VCPIP1: variants seen among roughly 807,000 people sequenced by gnomAD.
The protein encoded by VCPIP1 is deubiquitinating protein VCPIP1.
Under a neutral mutation model 85.0 loss-of-function variants are expected in VCPIP1, and 8 were observed. That is an observed-to-expected ratio of 0.09 (90% CI 0.06 to 0.17). The LOEUF (loss-of-function observed/expected upper bound fraction) is 0.17. Ranked by LOEUF, VCPIP1 falls within the 10% of genes least tolerant of loss-of-function variation. The pLI, the probability that VCPIP1 is intolerant of heterozygous loss-of-function variation, is 1.00. For synonymous variants in VCPIP1, 543 were observed against 544.5 expected, an observed-to-expected ratio of 1.00 and a Z score of 0.04; for missense variants, 1,070 against 1,486.3, an observed-to-expected ratio of 0.72 and a Z score of 4.61.
intron 1 of VCPIP1, among the ~76,000 whole-genome samples, chr8:66,659,512 AAAGACT>A (rs1421254567): frequency 6.6e-6 from 1 of 152,196 alleles, no homozygotes; most frequent in Non-Finnish European, 1.5e-5. Flanking sequence ...GTACTAAGCC[AAAGACT>A]AATACACCTA....
rs1164186626 is a variant in VCPIP1, at chr8:66,635,213, A to G, written c.2957T>C (p.Val986Ala). 6.2e-7 allele frequency: 1 copy of G among 1,614,164 alleles called. No individual in the cohort carries two copies. Among genetic ancestry groups the G allele is most frequent in the Non-Finnish European group, 8.5e-7 (1 of 1,180,034 alleles). ...ACTTCTTGTAGTAGCCTCTGCTCGA[A>G]CCTGACTTACAGCCTCTTTAACTAA... ...EDLVKEAVSQVRAEATTRSRE... is the reference protein window; with the variant it reads ...EDLVKEAVSQARAEATTRSRE... Residue 986 changes from valine (V) to alanine (A), a missense_variant, in exon 3 of 3, where the codon GTT becomes GCT. By Grantham distance (64) the Val-to-Ala change is moderately conservative. This residue lies in a region of VCPIP1 where 255 missense variants were observed against 289.5 expected (regional missense o/e 0.88). Coordinates refer to ENST00000310421, the MANE Select transcript of VCPIP1 (RefSeq NM_025054.5).
At chr8:66,647,207 G>T (rs971840892) in intron 2 of VCPIP1, among the ~76,000 whole-genome samples, 1 of 151,794 alleles carries the variant, frequency 6.6e-6, no homozygotes, top group Non-Finnish European at 1.5e-5. Flanking sequence ...CAGGCGCGGT[G>T]GCAGGCGCCT....
rs1811189667 is a variant in VCPIP1, at chr8:66,664,691, G to A, written c.2268C>T (p.Ser756=). 4 of 1,613,746 alleles carry A rather than the reference G, an allele frequency of 2.5e-6. No individual in the cohort carries two copies. In the South Asian group the frequency reaches 4.4e-5, roughly 18 times the overall value. Residue 756 remains serine (S), a synonymous_variant, in exon 1 of 3, where the codon TCC becomes TCT. Coordinates refer to ENST00000310421, the MANE Select transcript of VCPIP1 (RefSeq NM_025054.5). The part of the protein sequence containing the change: ...VSPSTIRDGP[S]SAPATPTKAP... ...CCTTGGTAGGTGTAGCAGGTGCAGA[G>A]GATGGACCATCACGAATGGTACTGG...
At chr8:66,649,088 A>G (rs1811027031) in intron 2 of VCPIP1, among the ~76,000 whole-genome samples, 1 of 152,004 alleles carries the variant, frequency 6.6e-6, no homozygotes, top group South Asian at 2.1e-4. Context: ...ACTTGAGCCC[A>G]GAGGATTGAC....
At position 66,667,070 on chromosome 8, in the gene VCPIP1, C is replaced by G; in HGVS notation, c.-112G>C. 7.1e-7 allele frequency: 1 copy of G among 1,404,660 alleles called. No homozygotes were observed. Among genetic ancestry groups the G allele is most frequent in the Non-Finnish European group, 9.2e-7 (1 of 1,082,914 alleles). The allele number at this position is 1,404,660 out of a possible 1,614,324, so 87.0% of individuals were successfully genotyped here. ...GTCCAGGCCCAGGGCGAAGCACTTTCCTTTCCCTACCAGCTCTTCCTCCTC... is the reference window on the plus strand; with the variant it reads ...GTCCAGGCCCAGGGCGAAGCACTTTGCTTTCCCTACCAGCTCTTCCTCCTC... On this transcript the variant is annotated 5_prime_UTR_variant, in exon 1 of 3. Coordinates refer to ENST00000310421, the MANE Select transcript of VCPIP1 (RefSeq NM_025054.5).
chr8:66,659,830 G>T (rs1254007073), intron 1 of VCPIP1, among the ~76,000 whole-genome samples: 1 of 151,910 alleles, frequency 6.6e-6, no homozygotes, highest in Non-Finnish European at 1.5e-5. Context: ...TACTTGAGAG[G>T]TTGAGAATCA....
chr8:66,663,123 A>G (rs994485331), intron 1 of VCPIP1, among the ~76,000 whole-genome samples: 1 of 151,728 alleles, frequency 6.6e-6, no homozygotes, highest in Non-Finnish European at 1.5e-5. Context: ...AGAAAAAAAA[A>G]AAAGAAATAT....
Position 66,630,778 on chromosome 8 carries a change from A to G in VCPIP1, c.*3723T>C, listed in dbSNP as rs1563564464. On this transcript the variant is annotated 3_prime_UTR_variant, in exon 3 of 3. Transcript: ENST00000310421. ...TCCCACGATTTAAGTATCATTAAAT[A>G]TGAACTGAAACACTTAGCATCTCAA... 1 of 152,614 alleles carries G rather than the reference A, an allele frequency of 6.6e-6. No individual in the cohort carries two copies. The allele number at this position is 152,614 out of a possible 1,614,324, so 9.5% of individuals were successfully genotyped here.
chr8:66,664,952 A>G lies in VCPIP1; in HGVS notation c.2007T>C (p.Asp669=), dbSNP rs1357940144. ...CTCCAACTCTTTGGGCGTGAGCACC[A>G]TCTATATTTACAGGAGTATAATCAT... ...NPDDYTPVNI[D]GAHAQRVGDV... is the part of the protein sequence containing the mutation. Residue 669 remains aspartate (D), a synonymous_variant, in exon 1 of 3, where the codon GAT becomes GAC. Transcript: ENST00000310421. 1.2e-6 allele frequency: 2 copies of G among 1,614,156 alleles called. No individual in the cohort carries two copies. The highest frequency in any genetic ancestry group is 2.2e-5 in the South Asian group (2 of 91,070).
At chr8:66,656,522 T>C in intron 1 of VCPIP1, among the ~76,000 whole-genome samples, 1 of 152,196 alleles carries the variant, frequency 6.6e-6, no homozygotes, top group East Asian at 1.9e-4. Flanking sequence ...AAAAGGCAAT[T>C]TGAATTTTTT....
At chr8:66,660,389 G>T (rs1811143897) in intron 1 of VCPIP1, among the ~76,000 whole-genome samples, 1 of 152,200 alleles carries the variant, frequency 6.6e-6, no homozygotes, top group South Asian at 2.1e-4. Flanking sequence ...TGTGATAGAT[G>T]CCGTGAGGGA....
chr8:66,649,281 C>T (rs554986435), intron 2 of VCPIP1, among the ~76,000 whole-genome samples: 3 of 151,986 alleles, frequency 2.0e-5, no homozygotes, highest in East Asian at 1.9e-4. Flanking sequence ...GAGGTCAAGG[C>T]GAGAGGATTG....
chr8:66,666,691 C>T lies in VCPIP1; in HGVS notation c.268G>A (p.Asp90Asn). ...AGGTTGTGTAGCACTACGTCCGGGT[C>T]GGTCACCTCCTCAACCCCCAGCAGC... ...QQLLGVEEVT[D>N]PDVVLHNLLR... Residue 90 changes from aspartate to asparagine, a missense_variant, in exon 1 of 3, where the codon GAC becomes AAC. Physicochemically the swap from Asp to Asn is conservative, Grantham distance 23. Transcript: ENST00000310421. The surrounding 1 kb of genome is among the most constrained non-coding windows in gnomAD (Gnocchi z 6.3). 6.2e-7 allele frequency: 1 copy of T among 1,614,192 alleles called. No individual in the cohort carries two copies. The highest frequency in any genetic ancestry group is 8.5e-7 in the Non-Finnish European group (1 of 1,180,042).
intron 2 of VCPIP1, among the ~76,000 whole-genome samples, chr8:66,649,249 G>A (rs911923604): frequency 2.6e-5 from 4 of 151,850 alleles, no homozygotes; most frequent in African/African-American, 9.7e-5. Flanking sequence ...GTAATCTGTC[G>A]CTTGTAATCC....
intron 2 of VCPIP1, among the ~76,000 whole-genome samples, chr8:66,650,395 T>C (rs774584709): frequency 2.0e-5 from 3 of 152,016 alleles, no homozygotes; most frequent in Non-Finnish European, 4.4e-5. Flanking sequence ...AGTGGCCAGG[T>C]AGGTGAAATA....
chr8:66,665,464 G>A lies in VCPIP1; in HGVS notation c.1495C>T (p.His499Tyr). The change falls in exon 1 of 3, where the codon CAT becomes TAT. Residue 499 changes from histidine (H) to tyrosine (Y), a missense_variant. This residue lies in a region of VCPIP1 where 123 missense variants were observed against 156.3 expected (regional missense o/e 0.79). Transcript: ENST00000310421. The surrounding 1 kb of genome is among the most constrained non-coding windows in gnomAD (Gnocchi z 4.3). ...TTTTTGTCAGTCCTCAGCTGTCCAT[G>A]AGTACTTTTTGCCAGGTTATACAAT... Reference protein sequence around the residue: ...GKLYNLAKSTHGQLRTDKNYS... With the variant: ...GKLYNLAKSTYGQLRTDKNYS... 6.2e-7 allele frequency: 1 copy of A among 1,614,246 alleles called. No homozygotes were observed. Among genetic ancestry groups the A allele is most frequent in the Non-Finnish European group, 8.5e-7 (1 of 1,180,044 alleles).
chr8:66,656,249 T>C (rs1054764170), intron 1 of VCPIP1, among the ~76,000 whole-genome samples: 8 of 152,074 alleles, frequency 5.3e-5, no homozygotes, highest in Non-Finnish European at 1.2e-4. Context: ...GGCTGGAAAG[T>C]AGTGGCTCAA....
At chr8:66,645,759 C>CAAAAAAA (rs1179669993) in intron 2 of VCPIP1, among the ~76,000 whole-genome samples, 14 of 57,342 alleles carry the variant, frequency 2.4e-4, no homozygotes, top group African/African-American at 6.1e-4. Context: ...CCTGTCTCTA[C>CAAAAAAA]AAAAAAAAAA....
intron 1 of VCPIP1, among the ~76,000 whole-genome samples, chr8:66,656,691 C>T (rs996396691): frequency 1.3e-5 from 2 of 151,976 alleles, no homozygotes; most frequent in African/African-American, 4.8e-5. Flanking sequence ...CTCACTGCAG[C>T]CTCTATCTTC....
Sources: allele counts gnomAD v4.1 joint callset (sites outside exome capture counted in the v4.1 genomes callset), GRCh38; gene constraint gnomAD v4.1.1; regional missense constraint gnomAD v4.1.1; non-coding constraint Gnocchi (gnomAD v3.1); transcripts MANE v1.5; gene names NCBI Gene and HGNC (gene_info 2026-07-23, HGNC 2026-07-21).